The following HAP1 variants were observed in gnomAD, a reference collection of about 807,000 sequenced individuals.
The protein encoded by HAP1 is huntingtin-associated protein 1.
HAP1 carries 59 observed loss-of-function variants against 60.3 expected under a neutral mutation model. That is an observed-to-expected ratio of 0.98 (90% CI 0.79 to 1.22). HAP1 has a LOEUF of 1.22. Ranked by LOEUF, HAP1 falls within the 50% of genes most tolerant of loss-of-function variation. The pLI, the probability that HAP1 is intolerant of heterozygous loss-of-function variation, is 0.00. For synonymous variants in HAP1, 346 were observed against 330.6 expected, an observed-to-expected ratio of 1.05 and a Z score of -0.50; for missense variants, 825 against 785.3, an observed-to-expected ratio of 1.05 and a Z score of -0.60.
chr17:41,720,050 T>C (rs1232663544), downstream of HAP1, among the ~76,000 whole-genome samples: 3 of 147,602 alleles, frequency 2.0e-5, no homozygotes, highest in African/African-American at 7.5e-5. Context: ...CCACCACGCC[T>C]GGCTAATTTT....
In HAP1 at chr17:41,723,945, C is replaced by T. The variant is rs554492704; in HGVS notation, c.*756G>A. On this transcript the variant is annotated 3_prime_UTR_variant, in exon 11 of 11. Transcript: ENST00000347901. The stretch of plus-strand genomic sequence containing the variant: ...CTGAGCCTCACCCTCCTCACCTAAC[C>T]AATGGGGACACATCACCTGCCACGG... The T allele has an allele frequency of 2.0e-5, 3 of 152,322 alleles. No homozygotes were observed. Among genetic ancestry groups the T allele is most frequent in the Non-Finnish European group, 4.4e-5 (3 of 68,130 alleles). The allele number at this position is 152,322 out of a possible 1,614,324, so 9.4% of individuals were successfully genotyped here. A position where few individuals can be genotyped will look rare whatever the true frequency, so the allele number is the denominator to read the frequency against.
At position 41,732,785 on chromosome 17, in the gene HAP1, G is replaced by T. The variant is rs782714745; in HGVS notation, c.483C>A (p.Asn161Lys). ...TGATCTTTTTGACTGGCGGAGGTAG[G>T]TTAGGACACAGTGCTGCAGGAGGCG... ...IRELEEALCP[N>K]LPPPVKKITQ... Residue 161 changes from asparagine to lysine, a missense_variant, in exon 2 of 11, where the codon AAC becomes AAA. By Grantham distance (94) the Asn-to-Lys change is moderately conservative (BLOSUM62 0). Transcript: ENST00000347901. The T allele has an allele frequency of 1.9e-6, 3 of 1,610,458 alleles. No homozygotes were observed. Among genetic ancestry groups the T allele is most frequent in the Non-Finnish European group, 2.5e-6 (3 of 1,176,700 alleles).
At chr17:41,718,801 G>A (rs1288304408), downstream of HAP1, among the ~76,000 whole-genome samples, 2 of 152,170 alleles carry the variant, frequency 1.3e-5, no homozygotes, top group Non-Finnish European at 2.9e-5. Flanking sequence ...TCCGTTGAGT[G>A]AGGGTAACCT....
intron 1 of HAP1, among the ~76,000 whole-genome samples, chr17:41,733,891 A>G (rs4436828): frequency 0.83 from 125,279 of 151,808 alleles, 51,749 homozygotes; most frequent in East Asian, 0.89. Flanking sequence ...GGGGCGCTGA[A>G]GGGGTGCAGA....
Position 41,728,306 on chromosome 17 carries a change from C to T in HAP1, c.1095G>A (p.Glu365=), listed in dbSNP as rs1911852457. Residue 365 remains glutamate (E), a synonymous_variant, in exon 7 of 11, where the codon GAG becomes GAA. Transcript: ENST00000347901. ...GCCTGAGCACCAGCACCTCCGACAG[C>T]TCAGCCATCTGTTGGCTGGCCTCCG... ...QFSEASQQMA[E]LSEVLVLRLE... is the part of the protein sequence containing the mutation. The T allele has an allele frequency of 6.2e-7, 1 of 1,613,620 alleles. No homozygotes were observed.
intron 10 of HAP1, 107 bp from the exon 11 acceptor site, chr17:41,725,261 C>T: frequency 1.1e-6 from 1 of 951,268 alleles, no homozygotes. Flanking sequence ...TGGTTCTGTC[C>T]CAGCCAGGGG....
chr17:41,733,705 C>T (rs1555591767), intron 1 of HAP1, among the ~76,000 whole-genome samples: 2 of 152,090 alleles, frequency 1.3e-5, no homozygotes, highest in African/African-American at 4.8e-5. Context: ...AGGAAAAGAG[C>T]GCGACTTTGC....
rs372193368 is a variant in HAP1, at chr17:41,725,061, T to C, written c.1500A>G (p.Glu500=). 5.6e-6 allele frequency: 9 copies of C among 1,612,372 alleles called. No individual in the cohort carries two copies. Among genetic ancestry groups the C allele is most frequent in the South Asian group, 3.3e-5 (3 of 90,980 alleles). Residue 500 remains glutamate (E), a synonymous_variant, in exon 11 of 11, where the codon GAA becomes GAG. Transcript: ENST00000347901. ...LMLAADIMRG[E]DFTPAEEFVP... Reference sequence around the variant, plus strand: ...CGAACTCCTCCGCAGGCGTGAAATCTTCCCCCCGCATGATATCCGCTGCCA... The same window carrying C: ...CGAACTCCTCCGCAGGCGTGAAATCCTCCCCCCGCATGATATCCGCTGCCA...
chr17:41,729,630 CTGCGGGAGGCCAA>C (rs1911982970), intron 6 of HAP1, among the ~76,000 whole-genome samples: 2 of 144,518 alleles, frequency 1.4e-5, no homozygotes, highest in African/African-American at 5.2e-5. Flanking sequence ...AATCCTAGCA[CTGCGGGAGGCCAA>C]GGCGGGAGGA....
At chr17:41,729,129 C>T (rs1192490366) in intron 6 of HAP1, among the ~76,000 whole-genome samples, 3 of 151,104 alleles carry the variant, frequency 2.0e-5, no homozygotes, top group African/African-American at 4.8e-5. Flanking sequence ...TTAGTAGAGA[C>T]GGGGTTTCAC....
intron 6 of HAP1, among the ~76,000 whole-genome samples, chr17:41,728,946 GTTTA>G (rs55669552): frequency 0.74 from 111,820 of 150,854 alleles, 42,376 homozygotes; most frequent in East Asian, 0.89. Flanking sequence ...GGGTTTGTTG[GTTTA>G]TTTATTTATT....
At position 41,732,049 on chromosome 17, in the gene HAP1, C is replaced by T. The variant is rs782311612; in HGVS notation, c.784G>A (p.Glu262Lys). 4 of 1,601,136 alleles carry T rather than the reference C, an allele frequency of 2.5e-6. No individual in the cohort carries two copies. The African/African-American group carries it at 4.0e-5, about 16-fold the overall frequency. Reference sequence around the variant, plus strand: ...TCCTCCTCTTCTTCATCCTCATCCTCCTCATCAGAATCTGAGTAGAGCTGG... The same window carrying T: ...TCCTCCTCTTCTTCATCCTCATCCTTCTCATCAGAATCTGAGTAGAGCTGG... Reference protein sequence around the residue: ...LLQLYSDSDEEDEDEEEEEEE... With the variant: ...LLQLYSDSDEKDEDEEEEEEE... Residue 262 changes from glutamate to lysine, a missense_variant, in exon 4 of 11, where the codon GAG (glutamate) becomes AAG (lysine). Transcript: ENST00000347901.
chr17:41,728,883 C>T (rs1480515426), intron 6 of HAP1, among the ~76,000 whole-genome samples: 1 of 152,092 alleles, frequency 6.6e-6, no homozygotes, highest in Non-Finnish European at 1.5e-5. Context: ...TATCCTTTGG[C>T]CAATGGAAAG....
Position 41,732,282 on chromosome 17 carries a change from A to T in HAP1, c.662T>A (p.Leu221Ter), listed in dbSNP as rs782750658. ...GQSLVKQNSV[L>*]MEENSKLEAL... is the part of the protein sequence containing the mutation. The stretch of plus-strand genomic sequence containing the variant: ...TTCCAGCTTGCTGTTCTCCTCCATC[A>T]AAACACTGTTCTGTTTCACCAGGGA... Residue 221 changes from leucine to a stop codon, truncating the protein, a stop_gained, in exon 3 of 11, where the codon TTG (leucine) becomes TAG (stop). Transcript: ENST00000347901. LOFTEE classifies it high-confidence loss of function. 33 of 1,614,086 alleles carry T rather than the reference A, an allele frequency of 2.0e-5. No individual in the cohort carries two copies. Among genetic ancestry groups the T allele is most frequent in the Non-Finnish European group, 2.8e-5 (33 of 1,180,018 alleles).
rs782070091 is a variant in HAP1, at chr17:41,725,941, A to C, written c.1368-44T>G. Reference sequence around the variant, plus strand: ...CTTCATTATGAGACAATGGAAGCCGAAACTGCAGTCCCTGGGGCTTGGTCA... The same window carrying C: ...CTTCATTATGAGACAATGGAAGCCGCAACTGCAGTCCCTGGGGCTTGGTCA... On this transcript the variant is annotated intron_variant, in intron 9 of 10. Coordinates refer to ENST00000347901, the MANE Select transcript of HAP1 (RefSeq NM_177977.3). 6 of 1,428,684 alleles carry C rather than the reference A, an allele frequency of 4.2e-6. No individual in the cohort carries two copies. In the South Asian group the frequency reaches 5.7e-5, roughly 14 times the overall value. The allele number at this position is 1,428,684 out of a possible 1,614,324, so 88.5% of individuals were successfully genotyped here. A position where few individuals can be genotyped will look rare whatever the true frequency, so the allele number is the denominator to read the frequency against.
chr17:41,732,087 C>G lies in HAP1; in HGVS notation c.746G>C (p.Arg249Pro), dbSNP rs782074480. The G allele has an allele frequency of 3.1e-6, 5 of 1,613,632 alleles. No individual in the cohort carries two copies. The East Asian group carries it at 1.1e-4, about 36-fold the overall frequency. ...TGAGTAGAGCTGGAGGAGCTCATCC[C>G]GCAAGTTCACCTGGTGTCTGAGGTA... ...ILYLRHQVNL[R>P]DELLQLYSDS... Residue 249 changes from arginine to proline, a missense_variant, in exon 4 of 11, where the codon CGG becomes CCG. Arg to Pro is a moderately radical substitution (Grantham distance 103, BLOSUM62 -2). Coordinates refer to ENST00000347901, the MANE Select transcript of HAP1 (RefSeq NM_177977.3).
chr17:41,734,621 C>T lies in HAP1; in HGVS notation c.14G>A (p.Arg5Lys), dbSNP rs887083206. 4.5e-6 allele frequency: 7 copies of T among 1,538,662 alleles called. No individual in the cohort carries two copies. Among genetic ancestry groups the T allele is most frequent in the African/African-American group, 2.7e-5 (2 of 73,302 alleles). Residue 5 changes from arginine to lysine, a missense_variant, in exon 1 of 11, where the codon AGG becomes AAG. Coordinates refer to ENST00000347901, the MANE Select transcript of HAP1 (RefSeq NM_177977.3). ...GCTCCCCGCGCAGCACCGGCCCAAC[C>T]TCTTCGGGCGCATCTCGAGTCTGCC... MRPK[R>K]LGRCCAGSRL...
intron 1 of HAP1, among the ~76,000 whole-genome samples, chr17:41,733,792 C>T (rs150798699): frequency 0.08 from 12,119 of 151,356 alleles, 1,639 homozygotes; most frequent in African/African-American, 0.28. Context: ...CACGCAAGCC[C>T]GGTCGGCCAG....
chr17:41,728,476 G>A, intron 6 of HAP1, 145 bp from the exon 7 acceptor site: 1 of 685,406 alleles, frequency 1.5e-6, no homozygotes, highest in East Asian at 2.7e-5. Context: ...CCTCACTCAG[G>A]TCTTCCATTC....
Sources: allele counts gnomAD v4.1 joint callset (sites outside exome capture counted in the v4.1 genomes callset), GRCh38; gene constraint gnomAD v4.1.1; transcripts MANE v1.5; gene names NCBI Gene and HGNC (gene_info 2026-07-23, HGNC 2026-07-21).